Variants in ADAMTS9 observed in about 807,000 individuals in gnomAD.
The protein encoded by ADAMTS9 is ADAM metallopeptidase with thrombospondin type 1 motif 9.
ADAMTS9 carries 107 observed loss-of-function variants against 257.1 expected under a neutral mutation model. The ratio of observed to expected loss-of-function variants is 0.42; its 90% CI spans 0.36 to 0.49. ADAMTS9 has a LOEUF of 0.49. Ranked by LOEUF, ADAMTS9 falls within the 20% of genes least tolerant of loss-of-function variation. ADAMTS9 has a pLI of 0.03. For synonymous variants in ADAMTS9, 982 were observed against 880.9 expected (o/e 1.11, Z -2.03); for missense variants, 2,353 against 2,469.1 (o/e 0.95, Z 1.00).
At chr3:64,651,384 A>G (rs1222208682) in intron 8 of ADAMTS9, among the ~76,000 whole-genome samples, 4 of 152,204 alleles carry the variant, frequency 2.6e-5, no homozygotes, top group African/African-American at 9.6e-5. Context: ...AAAGGCATAA[A>G]ATGTATTTTA....
intron 22 of ADAMTS9, among the ~76,000 whole-genome samples, chr3:64,609,847 TG>T (rs2084633172): frequency 1.3e-5 from 2 of 152,112 alleles, no homozygotes; most frequent in Non-Finnish European, 2.9e-5. Flanking sequence ...AGAACAAAGC[TG>T]GGGGAATCAT....
chr3:64,656,139 A>G, intron 4 of ADAMTS9: 1 of 319,814 alleles, frequency 3.1e-6, no homozygotes, highest in Non-Finnish European at 5.8e-6. Context: ...AGTTCTCTGT[A>G]CCAGAACACT....
chr3:64,686,718 T>C lies in ADAMTS9; in HGVS notation c.366A>G (p.Pro122=), dbSNP rs766144132. 1.2e-6 allele frequency: 2 copies of C among 1,613,970 alleles called. No homozygotes were observed. The highest frequency in any genetic ancestry group is 1.7e-6 in the Non-Finnish European group (2 of 1,180,034). ...TCCCGAGGAGGGTGACAGTGAACAG[T>C]GGAGCGATAAATCCGGCATTGGCGG... ...NLTANAGFIA[P]LFTVTLLGTP... The change falls in exon 2 of 40, where the codon CCA becomes CCG. Residue 122 remains proline, a synonymous_variant. Coordinates refer to ENST00000498707, the MANE Select transcript of ADAMTS9 (RefSeq NM_182920.2). The surrounding 1 kb of genome is among the most constrained non-coding windows in gnomAD (Gnocchi z 4.6).
At chr3:64,678,153 C>T (rs1234431111) in intron 3 of ADAMTS9, among the ~76,000 whole-genome samples, 6 of 152,118 alleles carry the variant, frequency 3.9e-5, no homozygotes, top group Non-Finnish European at 5.9e-5. Context: ...AGGGAAGGTT[C>T]GGATGGGTTG....
At chr3:64,546,337 A>T (rs979116229) in intron 32 of ADAMTS9, among the ~76,000 whole-genome samples, 4 of 152,114 alleles carry the variant, frequency 2.6e-5, no homozygotes, top group African/African-American at 9.7e-5. Flanking sequence ...GGAACATTTC[A>T]TTATGGTGTC....
chr3:64,626,901 C>T (rs1700236705), intron 16 of ADAMTS9, among the ~76,000 whole-genome samples: 1 of 152,060 alleles, frequency 6.6e-6, no homozygotes, highest in Admixed American at 6.6e-5. Flanking sequence ...AGCGCGAGAC[C>T]CATCAGCCAT....
intron 31 of ADAMTS9, 105 bp from the exon 32 acceptor site, chr3:64,547,057 A>G (rs2083210145): frequency 9.9e-7 from 1 of 1,007,778 alleles, no homozygotes; most frequent in South Asian, 1.7e-5. Flanking sequence ...ACTATGCTGC[A>G]GAAAGCTCCC....
At chr3:64,534,247 C>A (rs115826901) in intron 37 of ADAMTS9, among the ~76,000 whole-genome samples, 289 of 152,250 alleles carry the variant, frequency 1.9e-3, no homozygotes, top group African/African-American at 6.7e-3. Context: ...TGGATCCTGG[C>A]CAGATCTTTT....
chr3:64,582,007 C>A (rs1037709647), intron 28 of ADAMTS9, among the ~76,000 whole-genome samples: 2 of 152,034 alleles, frequency 1.3e-5, no homozygotes, highest in African/African-American at 2.4e-5. Flanking sequence ...TGTTAATGAC[C>A]TTTTTAAAGG....
At chr3:64,581,164 AT>A (rs2083988850) in intron 28 of ADAMTS9, among the ~76,000 whole-genome samples, 1 of 152,112 alleles carries the variant, frequency 6.6e-6, no homozygotes, top group South Asian at 2.1e-4. Flanking sequence ...CTTTGTTATT[AT>A]TTTCCACTTC....
At chr3:64,653,684 A>G (rs1387596316) in intron 8 of ADAMTS9, among the ~76,000 whole-genome samples, 1 of 152,246 alleles carries the variant, frequency 6.6e-6, no homozygotes, top group Non-Finnish European at 1.5e-5. Flanking sequence ...CCTAGAAAGA[A>G]AATAATGCAG....
chr3:64,618,640 TTGAG>T lies in ADAMTS9; in HGVS notation c.2813+2470_2814-2471del, dbSNP rs1253976796. Reference sequence around the variant, plus strand: ...CTATTTCACTGGGATATTTGGGGGATTGAGTGAGGCAAGCCATGTGTAGCATTTC... The same window carrying T: ...CTATTTCACTGGGATATTTGGGGGATTGAGGCAAGCCATGTGTAGCATTTC... On this transcript the variant is annotated intron_variant, in intron 19 of 39. Transcript: ENST00000498707. Among the ~76,000 whole-genome samples the T allele has an allele frequency of 3.9e-5, 6 of 152,216 alleles. No homozygotes were observed. The East Asian group carries it at 1.2e-3, about 29-fold the overall frequency.
chr3:64,613,565 C>A (rs532035871), intron 21 of ADAMTS9, 56 bp from the exon 22 acceptor site: 1 of 1,549,298 alleles, frequency 6.5e-7, no homozygotes, highest in African/African-American at 1.4e-5. Context: ...GTTGTGGTTT[C>A]TGGGGTTATT....
Position 64,686,437 on chromosome 3 carries a change from A to G in ADAMTS9, c.516+131T>C. 1 of 1,276,902 alleles carries G rather than the reference A, an allele frequency of 7.8e-7. No individual in the cohort carries two copies. The highest frequency in any genetic ancestry group is 1.1e-6 in the Non-Finnish European group (1 of 947,444). The allele number at this position is 1,276,902 out of a possible 1,614,324, so 79.1% of individuals were successfully genotyped here. A position where few individuals can be genotyped will look rare whatever the true frequency, so the allele number is the denominator to read the frequency against. On this transcript the variant is annotated intron_variant, in intron 2 of 39. Coordinates refer to ENST00000498707, the MANE Select transcript of ADAMTS9 (RefSeq NM_182920.2). This position sits in a 1 kb window ranked among gnomAD's most constrained non-coding sequence, Gnocchi z 4.6. ...AGCTACCCAAACCATACGAGTTTCT[A>G]GCTGATATTTAACGCCGGAGAGGAG... is the stretch of plus-strand genomic sequence containing the variant.
chr3:64,540,289 A>G (rs2083103493), intron 36 of ADAMTS9, among the ~76,000 whole-genome samples: 1 of 152,224 alleles, frequency 6.6e-6, no homozygotes, highest in Non-Finnish European at 1.5e-5. Context: ...AAGGAATGCA[A>G]TATTATGGGT....
At position 64,541,979 on chromosome 3, in the gene ADAMTS9, C is replaced by A. The variant is rs371242609; in HGVS notation, c.5065-9G>T. On this transcript the variant is annotated splice_polypyrimidine_tract_variant and intron_variant, in intron 32 of 39. Coordinates refer to ENST00000498707, the MANE Select transcript of ADAMTS9 (RefSeq NM_182920.2). ...CCACAAGACACTGAGCACTGTAAGA[C>A]AAATGAGAGTCAGCGGTGTGGCTAT... is the stretch of plus-strand genomic sequence containing the variant. 6 of 1,613,810 alleles carry A rather than the reference C, an allele frequency of 3.7e-6. No individual in the cohort carries two copies. Among genetic ancestry groups the A allele is most frequent in the Non-Finnish European group, 5.1e-6 (6 of 1,179,920 alleles).
chr3:64,640,185 C>T (rs952985565), intron 12 of ADAMTS9, among the ~76,000 whole-genome samples: 11 of 152,062 alleles, frequency 7.2e-5, no homozygotes, highest in African/African-American at 1.9e-4. Context: ...AGTTATCTTC[C>T]TTATTGACCA....
chr3:64,633,242 G>C lies in ADAMTS9; in HGVS notation c.2175+230C>G, dbSNP rs371903107. 2.8e-4 allele frequency among the ~76,000 whole-genome samples: 43 copies of C among 152,294 alleles called. 1 individual carries two copies. In the East Asian group the frequency reaches 3.3e-3, roughly 12 times the overall value. ...AGAGGTTTTGTGCAAGACCCCCACAGAGACTGAAAATGTCAAGAAAAATCC... is the reference window on the plus strand; with the variant it reads ...AGAGGTTTTGTGCAAGACCCCCACACAGACTGAAAATGTCAAGAAAAATCC... On this transcript the variant is annotated intron_variant, in intron 14 of 39. Coordinates refer to ENST00000498707, the MANE Select transcript of ADAMTS9 (RefSeq NM_182920.2).
chr3:64,671,376 T>C (rs1007391767), intron 3 of ADAMTS9, among the ~76,000 whole-genome samples: 1 of 152,172 alleles, frequency 6.6e-6, no homozygotes, highest in Non-Finnish European at 1.5e-5. Flanking sequence ...ATCACGATGG[T>C]TCTATGACTG....
Sources: allele counts gnomAD v4.1 joint callset (sites outside exome capture counted in the v4.1 genomes callset), GRCh38; gene constraint gnomAD v4.1.1; non-coding constraint Gnocchi (gnomAD v3.1); transcripts MANE v1.5; gene names NCBI Gene and HGNC (gene_info 2026-07-23, HGNC 2026-07-21).